The following SEMA3D variants were observed in gnomAD, a reference collection of about 807,000 sequenced individuals.
The protein encoded by SEMA3D is semaphorin-3D.
SEMA3D carries 84 observed loss-of-function variants against 100.1 expected under a neutral mutation model. The ratio of observed to expected loss-of-function variants is 0.84; its 90% confidence interval spans 0.70 to 1.01. SEMA3D has a LOEUF of 1.01. Among genes scored for constraint, SEMA3D ranks in the 50% least tolerant of loss-of-function variants. The pLI is 0.00. For synonymous variants in SEMA3D, 312 were observed against 320.7 expected, an observed-to-expected ratio of 0.97 and a Z score of 0.29; for missense variants, 875 against 934.1, an observed-to-expected ratio of 0.94 and a Z score of 0.82.
chr7:85,118,309 G>C (rs1789303363), intron 3 of SEMA3D, among the ~76,000 whole-genome samples: 1 of 151,666 alleles, frequency 6.6e-6, no homozygotes, highest in African/African-American at 2.4e-5. Flanking sequence ...TAAAATCTTT[G>C]TCAGCTAATG....
At chr7:85,075,928 T>C (rs746437405) in intron 5 of SEMA3D, among the ~76,000 whole-genome samples, 1 of 152,260 alleles carries the variant, frequency 6.6e-6, no homozygotes, top group Non-Finnish European at 1.5e-5. Flanking sequence ...GTTTTATTCT[T>C]ACACACAAAG....
intron 11 of SEMA3D, among the ~76,000 whole-genome samples, chr7:85,040,282 T>C (rs1790820638): frequency 6.6e-6 from 1 of 152,072 alleles, no homozygotes; most frequent in Non-Finnish European, 1.5e-5. Flanking sequence ...CCAGCCTGCA[T>C]ATGCCTTTTA....
At chr7:85,088,279 A>G (rs1372385006) in intron 4 of SEMA3D, among the ~76,000 whole-genome samples, 2 of 152,188 alleles carry the variant, frequency 1.3e-5, no homozygotes, top group African/African-American at 4.8e-5. Flanking sequence ...CATCCAAAGG[A>G]AATTCTAATT....
At chr7:85,117,012 T>C (rs948763378) in intron 3 of SEMA3D, among the ~76,000 whole-genome samples, 1 of 152,180 alleles carries the variant, frequency 6.6e-6, no homozygotes, top group Non-Finnish European at 1.5e-5. Context: ...TTGAGAAATA[T>C]AGTCTTTGTG....
At chr7:85,198,848 G>GT in the SEMA3D span, among the ~76,000 whole-genome samples, 1 of 121,562 alleles carries the variant, frequency 8.2e-6, no homozygotes, top group Non-Finnish European at 1.8e-5. Context: ...TTTTTTTCAA[G>GT]GGTTTTCTAT....
the SEMA3D span, among the ~76,000 whole-genome samples, chr7:85,218,166 A>G: frequency 6.6e-6 from 1 of 152,086 alleles, no homozygotes; most frequent in South Asian, 2.1e-4. Flanking sequence ...GAAACATATC[A>G]TTTCTGAAGA....
At chr7:85,174,675 C>A (rs933310164) in intron 1 of SEMA3D, among the ~76,000 whole-genome samples, 1 of 152,118 alleles carries the variant, frequency 6.6e-6, no homozygotes, top group Non-Finnish European at 1.5e-5. Context: ...TGAAAGAGAT[C>A]TTACAAACAA....
In SEMA3D at chr7:84,996,645, T is replaced by TAGGGAAA. The variant is rs1455134788; in HGVS notation, c.*2794_*2795insTTTCCCT. ...AAATGAATGCAGACATGCGGGATTC[T>TAGGGAAA]ATTTAGCAGCATAAATTGCTGAAAT... On this transcript the variant is annotated 3_prime_UTR_variant, in exon 19 of 19. Coordinates refer to ENST00000284136, the MANE Select transcript of SEMA3D (RefSeq NM_001384900.1). The TAGGGAAA allele has an allele frequency of 6.6e-6, 1 of 152,416 alleles. No homozygotes were observed. The highest frequency in any genetic ancestry group is 1.5e-5 in the Non-Finnish European group (1 of 67,902). 9.4% of individuals were successfully genotyped at this position (152,416 alleles called of 1,614,324 possible). A position where few individuals can be genotyped will look rare whatever the true frequency, so the allele number is the denominator to read the frequency against.
chr7:85,009,169 GT>G (rs544258241), intron 17 of SEMA3D, among the ~76,000 whole-genome samples: 10 of 150,564 alleles, frequency 6.6e-5, no homozygotes, highest in East Asian at 3.9e-4. Context: ...TAATTGTGGA[GT>G]TTTTTTTTCC....
intron 12 of SEMA3D, among the ~76,000 whole-genome samples, chr7:85,025,822 T>C (rs1335026872): frequency 2.6e-5 from 4 of 152,040 alleles, no homozygotes; most frequent in African/African-American, 9.7e-5. Flanking sequence ...GTATTAAATA[T>C]CAGAGACAAA....
At chr7:85,138,850 C>T (rs979379707) in intron 2 of SEMA3D, among the ~76,000 whole-genome samples, 2 of 151,230 alleles carry the variant, frequency 1.3e-5, no homozygotes, top group African/African-American at 4.9e-5. Context: ...TGTGATATTC[C>T]CCCCTGTCCA....
At chr7:85,056,279 G>T (rs1420129372) in intron 8 of SEMA3D, among the ~76,000 whole-genome samples, 2 of 151,878 alleles carry the variant, frequency 1.3e-5, no homozygotes, top group African/African-American at 2.4e-5. Context: ...TTGTGTAATT[G>T]CCCTAGGGGT....
the SEMA3D span, among the ~76,000 whole-genome samples, chr7:85,240,171 G>A: frequency 1.1e-4 from 16 of 152,104 alleles, no homozygotes; most frequent in African/African-American, 3.6e-4. Context: ...TATTCAAGAT[G>A]TGAAAGTCCC....
At chr7:85,194,746 T>A in the SEMA3D span, among the ~76,000 whole-genome samples, 1 of 152,154 alleles carries the variant, frequency 6.6e-6, no homozygotes, top group Non-Finnish European at 1.5e-5. Context: ...TTTTCTCACA[T>A]TTCTGGAGGC....
chr7:85,081,477 A>G, intron 5 of SEMA3D, 40 bp downstream of exon 5: 1 of 1,294,362 alleles, frequency 7.7e-7, no homozygotes, highest in Non-Finnish European at 1.1e-6. Context: ...TCATATCAGT[A>G]GAAGTTTTAC....
chr7:85,158,342 G>T (rs1407213355), intron 1 of SEMA3D, among the ~76,000 whole-genome samples: 1 of 152,146 alleles, frequency 6.6e-6, no homozygotes, highest in Non-Finnish European at 1.5e-5. Flanking sequence ...CTGAGGGGAG[G>T]CCTCGAAAAT....
the SEMA3D span, among the ~76,000 whole-genome samples, chr7:85,205,963 CAA>C: frequency 6.6e-6 from 1 of 152,080 alleles, no homozygotes; most frequent in African/African-American, 2.4e-5. Context: ...CTGCATGTAT[CAA>C]AACAGTTTCC....
At chr7:85,149,314 A>T (rs1226397198) in intron 2 of SEMA3D, among the ~76,000 whole-genome samples, 1 of 151,988 alleles carries the variant, frequency 6.6e-6, no homozygotes, top group Non-Finnish European at 1.5e-5. Flanking sequence ...AAAGTTAGCC[A>T]GGCATGGTGG....
the SEMA3D span, among the ~76,000 whole-genome samples, chr7:85,230,916 A>AAC: frequency 6.6e-6 from 1 of 152,204 alleles, no homozygotes; most frequent in Non-Finnish European, 1.5e-5. Context: ...TTGCCAAACC[A>AAC]ACAAACTCAA....
Sources: gnomAD v4.1 joint callset for allele counts (sites outside exome capture counted in the v4.1 genomes callset) on GRCh38, gnomAD v4.1.1 for gene constraint, MANE v1.5 for transcripts, NCBI Gene and HGNC (gene_info 2026-07-23, HGNC 2026-07-21) for gene names.